The following FMN2 variants were observed in gnomAD, a reference collection of about 807,000 sequenced individuals.
The protein encoded by FMN2 is formin 2, also known as formin-2.
FMN2 carries 51 observed loss-of-function variants against 142.3 expected under a neutral mutation model. The observed-to-expected ratio is 0.36, with a 90% CI of 0.29 to 0.45. FMN2 has a LOEUF of 0.45. Among genes scored for constraint, FMN2 ranks in the 20% least tolerant of loss-of-function variants. The probability of loss-of-function intolerance (pLI) is 1.00; values close to 1 mark genes in which losing one functional copy is unlikely to be tolerated. For missense variants in FMN2, 1,936 were observed against 2,122.8 expected (o/e 0.91, Z 1.73); for synonymous variants, 882 against 869.8 (o/e 1.01, Z -0.25).
chr1:240,474,406 A>G lies in FMN2; in HGVS notation c.*252A>G. The G allele has an allele frequency of 2.6e-6, 1 of 383,886 alleles. No homozygotes were observed. The highest frequency in any genetic ancestry group is 4.6e-6 in the Non-Finnish European group (1 of 215,948). 23.8% of individuals were successfully genotyped at this position (383,886 alleles called of 1,614,324 possible). A position where few individuals can be genotyped will look rare whatever the true frequency, so the allele number is the denominator to read the frequency against. Reference sequence around the variant, plus strand: ...TAAAAGTTTATGGTATTATACCGATAGACCAAAACAGCATGTGTAAGAGGC... The same window carrying G: ...TAAAAGTTTATGGTATTATACCGATGGACCAAAACAGCATGTGTAAGAGGC... On this transcript the variant is annotated 3_prime_UTR_variant, in exon 18 of 18. Coordinates refer to ENST00000319653, the MANE Select transcript of FMN2 (RefSeq NM_020066.5).
intron 4 of FMN2, among the ~76,000 whole-genome samples, chr1:240,194,081 T>C (rs1396708713): frequency 6.6e-6 from 1 of 152,132 alleles, no homozygotes; most frequent in East Asian, 1.9e-4. Context: ...GTTTTTTTAA[T>C]CTTTAGGATC....
rs540095465 is a variant in FMN2, at chr1:240,473,537, T to G, written c.5143-591T>G. ...GAAAAGACATTAAAATAACCCAAAT[T>G]GGGATATGATTAAATAGCCCTGTTT... On this transcript the variant is annotated intron_variant, in intron 17 of 17. Coordinates refer to ENST00000319653, the MANE Select transcript of FMN2 (RefSeq NM_020066.5). This position sits in a 1 kb window ranked among gnomAD's most constrained non-coding sequence, Gnocchi z 4.3. Among the ~76,000 whole-genome samples, 9 of 152,312 alleles carry G rather than the reference T, an allele frequency of 5.9e-5. No homozygotes were observed. The highest frequency in any genetic ancestry group is 2.2e-4 in the African/African-American group (9 of 41,580).
intron 6 of FMN2, among the ~76,000 whole-genome samples, chr1:240,228,559 A>G (rs1462629426): frequency 6.6e-6 from 1 of 152,032 alleles, no homozygotes; most frequent in African/African-American, 2.4e-5. Flanking sequence ...ATGCGGAGAA[A>G]CTGGAACCCT....
intron 2 of FMN2, among the ~76,000 whole-genome samples, chr1:240,156,572 G>T (rs1032398788): frequency 1.3e-5 from 2 of 152,184 alleles, no homozygotes; most frequent in Non-Finnish European, 2.9e-5. Context: ...GAAATAGACT[G>T]TGCACTTGCT....
chr1:240,204,883 A>G (rs763180189), intron 4 of FMN2, among the ~76,000 whole-genome samples: 1 of 152,108 alleles, frequency 6.6e-6, no homozygotes, highest in Non-Finnish European at 1.5e-5. Context: ...GTCCATCTGC[A>G]TTTTTTCCAC....
chr1:240,467,514 C>T (rs1676664045), intron 16 of FMN2, among the ~76,000 whole-genome samples: 1 of 152,138 alleles, frequency 6.6e-6, no homozygotes, highest in Non-Finnish European at 1.5e-5. Flanking sequence ...GATCCACCCT[C>T]CTCAGCCTCC....
intron 2 of FMN2, among the ~76,000 whole-genome samples, chr1:240,136,793 C>G (rs1193813363): frequency 6.6e-6 from 1 of 152,096 alleles, no homozygotes; most frequent in African/African-American, 2.4e-5. Flanking sequence ...GGGAATCTGG[C>G]CTGGTGCGGT....
At chr1:240,300,862 T>C (rs1057408943) in intron 8 of FMN2, among the ~76,000 whole-genome samples, 1 of 151,620 alleles carries the variant, frequency 6.6e-6, no homozygotes, top group African/African-American at 2.4e-5. Context: ...GATATTTAAA[T>C]AGCTATTCTA....
chr1:240,348,246 G>C (rs1443418171), intron 13 of FMN2, among the ~76,000 whole-genome samples: 4 of 146,548 alleles, frequency 2.7e-5, no homozygotes, highest in African/African-American at 7.6e-5. Context: ...TTTGGAGATA[G>C]AGTCTCACTC....
At chr1:240,328,002 G>T (rs983966877) in intron 8 of FMN2, among the ~76,000 whole-genome samples, 2 of 151,690 alleles carry the variant, frequency 1.3e-5, no homozygotes, top group African/African-American at 2.4e-5. Flanking sequence ...CAAAAAATGA[G>T]CCAGGCGTGG....
At chr1:240,385,610 C>G (rs1673378723) in intron 14 of FMN2, among the ~76,000 whole-genome samples, 1 of 152,140 alleles carries the variant, frequency 6.6e-6, no homozygotes, top group Non-Finnish European at 1.5e-5. Context: ...ACTGTACTGT[C>G]TAGCTCGTGG....
At chr1:240,436,655 TGACA>T (rs1558105625) in intron 15 of FMN2, among the ~76,000 whole-genome samples, 2 of 142,796 alleles carry the variant, frequency 1.4e-5, no homozygotes, top group African/African-American at 5.4e-5. Context: ...CTAGCCTGGG[TGACA>T]GTGTGAGACT....
In FMN2 at chr1:240,281,806, G is replaced by A. The variant is rs562971215; in HGVS notation, c.4154-13016G>A. ...GTATTTGTGCATTTCTTACTGTAGA[G>A]CAATTTATACACTGACTGCTGGTTT... On this transcript the variant is annotated intron_variant, in intron 7 of 17. Transcript: ENST00000319653. 2.8e-3 allele frequency among the ~76,000 whole-genome samples: 432 copies of A among 152,182 alleles called. 4 individuals are homozygous for A. Among genetic ancestry groups the A allele is most frequent in the Middle Eastern group, 6.8e-3 (2 of 294 alleles).
At chr1:240,196,755 C>T (rs959867591) in intron 4 of FMN2, among the ~76,000 whole-genome samples, 8 of 152,130 alleles carry the variant, frequency 5.3e-5, no homozygotes, top group Non-Finnish European at 4.4e-5. Flanking sequence ...TCAGGCGAAC[C>T]GCCGGCCTCG....
chr1:240,186,504 G>A (rs1195328814), intron 3 of FMN2, among the ~76,000 whole-genome samples: 1 of 152,214 alleles, frequency 6.6e-6, no homozygotes, highest in African/African-American at 2.4e-5. Context: ...GATGATCCAG[G>A]TTACGAAGAA....
chr1:240,394,253 C>T (rs536449976), intron 15 of FMN2, among the ~76,000 whole-genome samples: 1 of 152,176 alleles, frequency 6.6e-6, no homozygotes, highest in Admixed American at 6.5e-5. Context: ...ATGTAACTTT[C>T]TCAAGTTTCA....
chr1:240,180,851 G>GCTA (rs1665121543), intron 3 of FMN2, among the ~76,000 whole-genome samples: 1 of 151,878 alleles, frequency 6.6e-6, no homozygotes, highest in Non-Finnish European at 1.5e-5. Flanking sequence ...ACAGGCATGA[G>GCTA]CCACTGTGCC....
At chr1:240,313,940 C>T (rs992900406) in intron 8 of FMN2, among the ~76,000 whole-genome samples, 5 of 152,020 alleles carry the variant, frequency 3.3e-5, no homozygotes, top group African/African-American at 9.7e-5. Flanking sequence ...AGCCACTGCA[C>T]ACTTCAGCCT....
At chr1:240,151,580 T>C (rs1406119773) in intron 2 of FMN2, among the ~76,000 whole-genome samples, 1 of 152,038 alleles carries the variant, frequency 6.6e-6, no homozygotes, top group East Asian at 1.9e-4. Context: ...CTTAGAAAAT[T>C]GTGAATGCAG....
Sources: allele counts gnomAD v4.1 joint callset (sites outside exome capture counted in the v4.1 genomes callset), GRCh38; gene constraint gnomAD v4.1.1; non-coding constraint Gnocchi (gnomAD v3.1); transcripts MANE v1.5; gene names NCBI Gene and HGNC (gene_info 2026-07-23, HGNC 2026-07-21).